The following SLC16A3 variants were observed in gnomAD, a reference collection of about 807,000 sequenced individuals.
The protein encoded by SLC16A3 is monocarboxylate transporter 4.
Under a neutral mutation model 25.0 loss-of-function variants are expected in SLC16A3, and 22 were observed. That is an observed-to-expected ratio of 0.88 (90% CI 0.63 to 1.26). The LOEUF is 1.26. Among genes scored for constraint, SLC16A3 ranks in the 50% most tolerant of loss-of-function variants. The pLI is 0.00. For missense variants in SLC16A3, 731 were observed against 666.6 expected (o/e 1.10, Z -1.06); for synonymous variants, 390 against 309.2 (o/e 1.26, Z -2.74).
Position 82,239,792 on chromosome 17 carries a change from T to C in SLC16A3, c.*816T>C, listed in dbSNP as rs1378895806. On this transcript the variant is annotated 3_prime_UTR_variant, in exon 5 of 5. Coordinates refer to ENST00000582743, the MANE Select transcript of SLC16A3 (RefSeq NM_004207.4). ...ACAGGACCCTCCTGCCTTCCCTTTT[T>C]CGCCCCTCTGCCTGGCTGGCAGTGT... 7.5e-6 allele frequency: 3 copies of C among 398,314 alleles called. No individual in the cohort carries two copies. The highest frequency in any genetic ancestry group is 1.3e-5 in the Non-Finnish European group (3 of 227,172). The allele number at this position is 398,314 out of a possible 1,614,324, so 24.7% of individuals were successfully genotyped here. A position where few individuals can be genotyped will look rare whatever the true frequency, so the allele number is the denominator to read the frequency against.
rs1281597661 is a variant in SLC16A3 at position 82,239,948 on chromosome 17, G to T, written c.*972G>T. ...TGGCCAGCAGTGGCCTGCGTGGCTG[G>T]GAGCCCGGTCAGAGGCCGCCGGGGC... On this transcript the variant is annotated 3_prime_UTR_variant, in exon 5 of 5. Transcript: ENST00000582743. 1 of 1,216,490 alleles carries T rather than the reference G, an allele frequency of 8.2e-7. No individual in the cohort carries two copies. Among genetic ancestry groups the T allele is most frequent in the Non-Finnish European group, 1.0e-6 (1 of 972,330 alleles). 75.4% of individuals were successfully genotyped at this position (1,216,490 alleles called of 1,614,324 possible). A position where few individuals can be genotyped will look rare whatever the true frequency, so the allele number is the denominator to read the frequency against.
rs2050643671 is a variant in SLC16A3, at chr17:82,237,669, T to C, written c.899T>C (p.Phe300Ser). 1.2e-6 allele frequency: 2 copies of C among 1,612,826 alleles called. No individual in the cohort carries two copies. The highest frequency in any genetic ancestry group is 1.7e-6 in the Non-Finnish European group (2 of 1,179,768). ...VRPYSVYLFS[F>S]SMFFNGLADL... ...CCCTACTCCGTCTACCTCTTCAGCTTCTCCATGTTCTTCAACGGCCTCGCG... is the reference window on the plus strand; with the variant it reads ...CCCTACTCCGTCTACCTCTTCAGCTCCTCCATGTTCTTCAACGGCCTCGCG... Residue 300 changes from phenylalanine to serine, a missense_variant, in exon 4 of 5, where the codon TTC becomes TCC. By Grantham distance (155) the Phe-to-Ser change is radical. Transcript: ENST00000582743.
chr17:82,225,916 G>A (rs114872704), upstream of SLC16A3, among the ~76,000 whole-genome samples: 1 of 152,076 alleles, frequency 6.6e-6, no homozygotes, highest in Non-Finnish European at 1.5e-5. Flanking sequence ...AAGCCTCTCC[G>A]CATTTCCTAA....
At chr17:82,230,278 A>G (rs959127269) in intron 1 of SLC16A3, 3 of 152,396 alleles carry the variant, frequency 2.0e-5, no homozygotes, top group African/African-American at 7.2e-5. Flanking sequence ...GCCCCCAGAG[A>G]GGCTTTGAGT....
At chr17:82,222,256 G>A (rs1199123453) in intron 1 of SLC16A3, among the ~76,000 whole-genome samples, 1 of 118,132 alleles carries the variant, frequency 8.5e-6, no homozygotes, top group Non-Finnish European at 1.7e-5. Flanking sequence ...GGAGAGGAGC[G>A]TCGCCCTGGG....
intron 1 of SLC16A3, among the ~76,000 whole-genome samples, chr17:82,233,359 A>T (rs1442149886): frequency 2.0e-5 from 3 of 152,154 alleles, no homozygotes; most frequent in African/African-American, 7.2e-5. Flanking sequence ...CGTCACGTGG[A>T]AGCCACAAGC....
intron 1 of SLC16A3, chr17:82,232,380 G>C (rs1400965791): frequency 1.3e-5 from 2 of 152,486 alleles, no homozygotes; most frequent in East Asian, 3.8e-4. Context: ...TGCAGGTCCA[G>C]ACGCCTGAGG....
intron 4 of SLC16A3, 60 bp from the exon 5 acceptor site, chr17:82,238,642 A>C (rs1399839131): frequency 6.7e-7 from 1 of 1,501,588 alleles, no homozygotes; most frequent in Non-Finnish European, 8.9e-7. Context: ...GCTTGGGTGG[A>C]GCCGTGGGCC....
chr17:82,221,660 G>C (rs780003408), intron 1 of SLC16A3, among the ~76,000 whole-genome samples: 1 of 152,104 alleles, frequency 6.6e-6, no homozygotes, highest in Non-Finnish European at 1.5e-5. Flanking sequence ...CACATGAAAA[G>C]ATACTCAACA....
intron 1 of SLC16A3, among the ~76,000 whole-genome samples, chr17:82,233,374 C>T (rs1288575196): frequency 6.6e-6 from 1 of 152,208 alleles, no homozygotes; most frequent in African/African-American, 2.4e-5. Context: ...ACAAGCACCT[C>T]AGGTCTCAGA....
intron 1 of SLC16A3, among the ~76,000 whole-genome samples, chr17:82,222,335 A>G (rs2050394489): frequency 6.6e-6 from 1 of 152,208 alleles, no homozygotes; most frequent in African/African-American, 2.4e-5. Flanking sequence ...CCGCTCCTAC[A>G]TTCACACCAA....
chr17:82,237,192 TC>T lies in SLC16A3; in HGVS notation c.423del (p.Phe141LeufsTer23). ...TCGCTCATCATGCTGAACCGCTACT[TC>T]AGCAAGCGGCGCCCCATGGCCAACG... ...QPSLIMLNRY[F>X]SKRRPMANGL... is the part of the protein sequence containing the mutation. On this transcript the variant is annotated frameshift_variant, in exon 4 of 5. Transcript: ENST00000582743. LOFTEE classifies it high-confidence loss of function. The T allele has an allele frequency of 6.5e-7, 1 of 1,530,312 alleles. No homozygotes were observed. The highest frequency in any genetic ancestry group is 8.8e-7 in the Non-Finnish European group (1 of 1,139,160). 94.8% of individuals were successfully genotyped at this position (1,530,312 alleles called of 1,614,324 possible).
chr17:82,238,373 AC>A (rs932376820), intron 4 of SLC16A3, among the ~76,000 whole-genome samples: 3 of 152,062 alleles, frequency 2.0e-5, no homozygotes, highest in Non-Finnish European at 4.4e-5. Flanking sequence ...CAGGGCTGGT[AC>A]TGAACACAGT....
At chr17:82,234,706 T>A (rs2050567591) in intron 1 of SLC16A3, 1 of 152,226 alleles carries the variant, frequency 6.6e-6, no homozygotes. Flanking sequence ...GCTCAGACTC[T>A]CCCAGCAAAG....
At chr17:82,237,976 CT>C in intron 4 of SLC16A3, 83 bp downstream of exon 4, 1 of 1,471,454 alleles carries the variant, frequency 6.8e-7, no homozygotes, top group South Asian at 1.3e-5. Context: ...ACGCGCACCC[CT>C]CGGCAGCCAC....
chr17:82,238,028 T>C, intron 4 of SLC16A3, 135 bp downstream of exon 4: 1 of 1,039,864 alleles, frequency 9.6e-7, no homozygotes, highest in South Asian at 1.6e-5. Context: ...TGCACTGTGC[T>C]GGACCAACCC....
At chr17:82,228,043 C>CGGGCTTACCA (rs1489444793), upstream of SLC16A3, among the ~76,000 whole-genome samples, 5 of 152,196 alleles carry the variant, frequency 3.3e-5, no homozygotes, top group African/African-American at 1.2e-4. Context: ...TGTGAAGGCA[C>CGGGCTTACCA]GGGCTTACCA....
chr17:82,227,620 A>ACGGG (rs1275507800), upstream of SLC16A3, among the ~76,000 whole-genome samples: 37 of 25,530 alleles, frequency 1.4e-3, 1 homozygote, highest in South Asian at 8.3e-3. Context: ...GGGCGGGAGC[A>ACGGG]CCACCTGCCC....
intron 1 of SLC16A3, chr17:82,230,669 C>T (rs1003907071): frequency 1.3e-5 from 2 of 152,474 alleles, no homozygotes; most frequent in African/African-American, 4.8e-5. Context: ...GTGCCGCTCC[C>T]TCCAGTGAGG....
Sources: gnomAD v4.1 joint callset for allele counts (sites outside exome capture counted in the v4.1 genomes callset) on GRCh38, gnomAD v4.1.1 for gene constraint, MANE v1.5 for transcripts, NCBI Gene and HGNC (gene_info 2026-07-23, HGNC 2026-07-21) for gene names.